Variants in SIK3 observed in about 807,000 individuals in gnomAD.
SIK3 encodes serine/threonine-protein kinase SIK3.
Under a neutral mutation model 144.2 loss-of-function variants are expected in SIK3, and 28 were observed. The ratio of observed to expected loss-of-function variants is 0.19; its 90% CI spans 0.14 to 0.27. The LOEUF is 0.27. SIK3 is among the 10% of genes least tolerant of loss of function. The pLI is 1.00. For synonymous variants in SIK3, 686 were observed against 676.3 expected, an observed-to-expected ratio of 1.01 and a Z score of -0.22; for missense variants, 1,319 against 1,776.0, an observed-to-expected ratio of 0.74 and a Z score of 4.62.
intron 1 of SIK3, among the ~76,000 whole-genome samples, chr11:117,072,517 T>G (rs1299927689): frequency 6.6e-6 from 1 of 152,290 alleles, no homozygotes; most frequent in East Asian, 1.9e-4. Context: ...GCTATTCATC[T>G]TTTAATATCA....
intron 1 of SIK3, among the ~76,000 whole-genome samples, chr11:117,024,918 T>C (rs1002184478): frequency 6.6e-6 from 1 of 151,850 alleles, no homozygotes; most frequent in Non-Finnish European, 1.5e-5. Flanking sequence ...AAAAAAATCA[T>C]CTAATGCAGT....
chr11:116,934,018 T>A (rs2135195472), intron 3 of SIK3, among the ~76,000 whole-genome samples: 1 of 152,346 alleles, frequency 6.6e-6, no homozygotes, highest in East Asian at 1.9e-4. Context: ...TTTACAAAAG[T>A]ATAACCTTCT....
chr11:116,928,534 C>G (rs138961151), intron 3 of SIK3, among the ~76,000 whole-genome samples: 3 of 152,182 alleles, frequency 2.0e-5, no homozygotes, highest in Non-Finnish European at 4.4e-5. Flanking sequence ...TGACATCTCA[C>G]TCCCTCACAG....
In SIK3 at chr11:117,049,999, A is replaced by G. The variant is rs578193453; in HGVS notation, c.273+48144T>C. Among the ~76,000 whole-genome samples the G allele has an allele frequency of 1.2e-4, 18 of 152,040 alleles. No individual in the cohort carries two copies. The South Asian group carries it at 3.5e-3, about 30-fold the overall frequency. ...GGATCTTATATTATAGTATAATTAT[A>G]TAAGATAGCAGCCGGGCACAGTGGC... is the stretch of plus-strand genomic sequence containing the variant. On this transcript the variant is annotated intron_variant, in intron 1 of 24. Coordinates refer to ENST00000445177, the MANE Select transcript of SIK3 (RefSeq NM_001366686.3).
intron 1 of SIK3, among the ~76,000 whole-genome samples, chr11:117,013,915 G>GTGTGTGTGTGTGTGTGTAT (rs1951392293): frequency 7.2e-4 from 17 of 23,648 alleles, no homozygotes; most frequent in African/African-American, 1.5e-3. Context: ...GGGGGGGGAG[G>GTGTGTGTGTGTGTGTGTAT]GTGTGTGTGT....
chr11:116,940,217 T>C (rs957345490), intron 3 of SIK3, among the ~76,000 whole-genome samples: 2 of 151,566 alleles, frequency 1.3e-5, no homozygotes, highest in African/African-American at 4.9e-5. Context: ...AAAATATTCC[T>C]TTAAGGTTTT....
At chr11:116,854,201 G>A (rs1942685280) in intron 21 of SIK3, among the ~76,000 whole-genome samples, 4 of 151,668 alleles carry the variant, frequency 2.6e-5, no homozygotes, top group Admixed American at 1.3e-4. Context: ...CTATACCAAA[G>A]GAAAAAAAAA....
Position 116,972,051 on chromosome 11 carries a change from C to T in SIK3, c.274-14987G>A, listed in dbSNP as rs146866496. Among the ~76,000 whole-genome samples the T allele has an allele frequency of 5.9e-4, 88 of 150,350 alleles. 1 individual carries two copies. Among genetic ancestry groups the T allele is most frequent in the African/African-American group, 2.1e-3 (84 of 40,778 alleles). On this transcript the variant is annotated intron_variant, in intron 1 of 24. Coordinates refer to ENST00000445177, the MANE Select transcript of SIK3 (RefSeq NM_001366686.3). ...GCAGAGAGCTGAGATCGCCTCACTG[C>T]ACTCCAGCCTGGGCAACAGAGCGAG...
intron 1 of SIK3, among the ~76,000 whole-genome samples, chr11:117,024,491 T>C (rs1435130397): frequency 6.6e-6 from 1 of 152,142 alleles, no homozygotes; most frequent in African/African-American, 2.4e-5. Context: ...TAATGCCCCA[T>C]AACTCTAAAC....
At chr11:116,959,876 C>A (rs1949278729) in intron 1 of SIK3, among the ~76,000 whole-genome samples, 1 of 152,178 alleles carries the variant, frequency 6.6e-6, no homozygotes, top group East Asian at 1.9e-4. Context: ...CTTTTGTTGG[C>A]TATAATTAAC....
At position 117,013,915 on chromosome 11, in the gene SIK3, G is replaced by GGT. The variant is rs71037441; in HGVS notation, c.274-56853_274-56852dup. ...CAGATTCTGAGGGGGGGGGGGGGAG[G>GGT]GTGTGTGTGTGTGTGTGTGTGTGTG... is the stretch of plus-strand genomic sequence containing the variant. On this transcript the variant is annotated intron_variant, in intron 1 of 24. Coordinates refer to ENST00000445177, the MANE Select transcript of SIK3 (RefSeq NM_001366686.3). Among the ~76,000 whole-genome samples the GGT allele has an allele frequency of 4.5e-3, 106 of 23,590 alleles. 1 individual carries two copies. The highest frequency in any genetic ancestry group is 0.013 in the East Asian group (11 of 858). The allele number at this position is 23,590 out of a possible 152,430, so 15.5% of individuals were successfully genotyped here. A position where few individuals can be genotyped will look rare whatever the true frequency, so the allele number is the denominator to read the frequency against.
At chr11:117,073,052 A>G (rs1954350363) in intron 1 of SIK3, among the ~76,000 whole-genome samples, 1 of 152,150 alleles carries the variant, frequency 6.6e-6, no homozygotes, top group African/African-American at 2.4e-5. Flanking sequence ...CTCTTGCCAA[A>G]AAGTTCCAGG....
intron 1 of SIK3, among the ~76,000 whole-genome samples, chr11:116,996,689 G>A (rs534255586): frequency 2.6e-5 from 4 of 151,536 alleles, no homozygotes; most frequent in African/African-American, 4.8e-5. Context: ...GTGTGGTGAC[G>A]GGCACCTGTA....
At chr11:116,874,175 TTA>T in intron 11 of SIK3, 119 bp from the exon 12 acceptor site, 3 of 1,065,856 alleles carry the variant, frequency 2.8e-6, no homozygotes, top group Non-Finnish European at 2.7e-6. Flanking sequence ...CTTCCTGAAT[TTA>T]TGTTTCTCTT....
intron 4 of SIK3, among the ~76,000 whole-genome samples, chr11:116,902,770 G>C (rs1331693024): frequency 1.3e-5 from 2 of 152,150 alleles, no homozygotes; most frequent in Non-Finnish European, 2.9e-5. Flanking sequence ...GTACATTCAA[G>C]CAAAATCTTG....
intron 1 of SIK3, among the ~76,000 whole-genome samples, chr11:117,052,225 C>CT (rs1451235606): frequency 6.6e-6 from 1 of 152,268 alleles, no homozygotes; most frequent in African/African-American, 2.4e-5. Flanking sequence ...CAAGCTAAAA[C>CT]TTGGAACTTT....
intron 1 of SIK3, among the ~76,000 whole-genome samples, chr11:116,960,013 A>G (rs893720526): frequency 6.6e-6 from 1 of 152,222 alleles, no homozygotes; most frequent in Non-Finnish European, 1.5e-5. Context: ...TGTTGTATCC[A>G]TGCAGCAAAA....
intron 3 of SIK3, among the ~76,000 whole-genome samples, chr11:116,929,029 G>C (rs56003944): frequency 6.6e-5 from 10 of 152,272 alleles, no homozygotes; most frequent in Non-Finnish European, 1.5e-4. Context: ...CTCCCACTCG[G>C]GTGTGTTTAG....
chr11:117,074,055 C>T (rs928747792), intron 1 of SIK3, among the ~76,000 whole-genome samples: 1 of 152,130 alleles, frequency 6.6e-6, no homozygotes, highest in African/African-American at 2.4e-5. Flanking sequence ...CTTAGCAAAT[C>T]GTGAATGCTG....
Sources: allele counts gnomAD v4.1 joint callset (sites outside exome capture counted in the v4.1 genomes callset), GRCh38; gene constraint gnomAD v4.1.1; transcripts MANE v1.5; gene names NCBI Gene and HGNC (gene_info 2026-07-23, HGNC 2026-07-21).